SPG11: variants seen among roughly 807,000 people sequenced by gnomAD.
The protein encoded by SPG11 is spatacsin.
In SPG11, 222 loss-of-function variants were observed where a neutral mutation model predicts 274.0. The ratio of observed to expected loss-of-function variants is 0.81; its 90% CI spans 0.73 to 0.91. SPG11 has a LOEUF of 0.91. Ranked by LOEUF, SPG11 falls within the 40% of genes least tolerant of loss-of-function variation. SPG11 has a pLI of 0.00. For missense variants in SPG11, 3,114 were observed against 2,872.7 expected (o/e 1.08, Z -1.92); for synonymous variants, 1,144 against 1,039.7 (o/e 1.10, Z -1.93).
intron 4 of SPG11, among the ~76,000 whole-genome samples, chr15:44,653,334 G>C (rs1022460349): frequency 6.6e-6 from 1 of 152,140 alleles, no homozygotes; most frequent in Non-Finnish European, 1.5e-5. Context: ...AAGGTAATTT[G>C]TTGACACAAC....
chr15:44,606,574 G>A (rs769909380), intron 19 of SPG11, among the ~76,000 whole-genome samples: 7 of 152,112 alleles, frequency 4.6e-5, no homozygotes, highest in Non-Finnish European at 8.8e-5. Flanking sequence ...AAAAAATAGC[G>A]GACCAAGGTG....
intron 10 of SPG11, 112 bp downstream of exon 10, chr15:44,628,557 G>A: frequency 1.9e-6 from 2 of 1,043,158 alleles, no homozygotes; most frequent in South Asian, 1.3e-5. Flanking sequence ...TAAAACCTTT[G>A]CCAAACATTC....
intron 7 of SPG11, among the ~76,000 whole-genome samples, chr15:44,634,059 G>A (rs1244516081): frequency 1.4e-4 from 21 of 151,904 alleles, no homozygotes; most frequent in Admixed American, 1.3e-3. Flanking sequence ...GGCTGGTCTC[G>A]AACTCCTGAC....
chr15:44,573,361 T>C, intron 32 of SPG11, 186 bp downstream of exon 32: 1 of 671,274 alleles, frequency 1.5e-6, no homozygotes. Context: ...CAGCATGTAT[T>C]TTGTACATGT....
chr15:44,651,902 T>C lies in SPG11; in HGVS notation c.1045A>G (p.Ile349Val), dbSNP rs889642538. ...GAAACCTCCAGTTTGGAGTTCTTTA[T>C]TGTTTCATTCAATGATGATAGCTGG... Reference protein sequence around the residue: ...KAQLSSLNETIKNSKLEVSCC... With the variant: ...KAQLSSLNETVKNSKLEVSCC... The change falls in exon 6 of 40, where the codon ATA becomes GTA. Residue 349 changes from isoleucine to valine, a missense_variant. Ile to Val is a conservative substitution (Grantham distance 29, BLOSUM62 3). Coordinates refer to ENST00000261866, the MANE Select transcript of SPG11 (RefSeq NM_025137.4). 3.1e-6 allele frequency: 5 copies of C among 1,612,634 alleles called. No homozygotes were observed. Among genetic ancestry groups the C allele is most frequent in the African/African-American group, 2.7e-5 (2 of 74,784 alleles).
Position 44,648,958 on chromosome 15 carries a change from T to G in SPG11, c.1510A>C (p.Arg504=), listed in dbSNP as rs1450707057. ...FGLTQEEFLN[R]LMIHGSASTV... ...CTGGCACTTCCATGGATCATGAGTC[T>G]GTTTAAAAACTCTTCTTGAGTCAAA... Residue 504 remains arginine (R), a synonymous_variant, in exon 7 of 40, where the codon AGA becomes CGA. Transcript: ENST00000261866. The G allele has an allele frequency of 2.5e-6, 4 of 1,614,066 alleles. No individual in the cohort carries two copies. The highest frequency in any genetic ancestry group is 3.4e-6 in the Non-Finnish European group (4 of 1,179,908).
rs2141038096 is a variant in SPG11, at chr15:44,626,456, A to C, written c.2119T>G (p.Phe707Val). 6.2e-7 allele frequency: 1 copy of C among 1,614,060 alleles called. No individual in the cohort carries two copies. Among genetic ancestry groups the C allele is most frequent in the Non-Finnish European group, 8.5e-7 (1 of 1,179,970 alleles). ...LNNKIPEAQTFFRIDSHSAQK... is the reference protein window; with the variant it reads ...LNNKIPEAQTVFRIDSHSAQK... ...GCAGAATGACTATCAATCCTGAAGA[A>C]AGTCTGTGCCTCTGGTATTTTGTTG... The change falls in exon 11 of 40, where the codon TTC becomes GTC. Residue 707 changes from phenylalanine (F) to valine (V), a missense_variant. Transcript: ENST00000261866.
chr15:44,648,806 G>C, intron 7 of SPG11, 60 bp downstream of exon 7: 1 of 1,553,584 alleles, frequency 6.4e-7, no homozygotes, highest in Non-Finnish European at 8.9e-7. Flanking sequence ...ATCCTAAATC[G>C]AATAAAAGTA....
chr15:44,600,599 G>A lies in SPG11; in HGVS notation c.3554C>T (p.Pro1185Leu). The change falls in exon 21 of 40, where the codon CCT becomes CTT. Residue 1185 changes from proline (P) to leucine (L), a missense_variant. By Grantham distance (98) the Pro-to-Leu change is moderately conservative. Transcript: ENST00000261866. ...TATAGCATATTTATTAACCAGGTCA[G>A]GGCTAGAGAAATGTGGGAGATGACT... Reference protein sequence around the residue: ...AWSHLPHFSSPDLVNKYAIVE... With the variant: ...AWSHLPHFSSLDLVNKYAIVE... The A allele has an allele frequency of 3.1e-6, 5 of 1,614,086 alleles. No individual in the cohort carries two copies. Among genetic ancestry groups the A allele is most frequent in the Non-Finnish European group, 4.2e-6 (5 of 1,180,004 alleles).
At chr15:44,609,895 ATTTTTTT>A (rs771457335) in intron 18 of SPG11, among the ~76,000 whole-genome samples, 13 of 106,108 alleles carry the variant, frequency 1.2e-4, no homozygotes, top group East Asian at 5.6e-4. Context: ...TGCCCAGCTA[ATTTTTTT>A]TTTTTTTTTT....
chr15:44,606,339 G>A (rs747562415), intron 19 of SPG11, among the ~76,000 whole-genome samples: 8 of 152,096 alleles, frequency 5.3e-5, no homozygotes, highest in African/African-American at 1.7e-4. Flanking sequence ...AACTATGTCC[G>A]CAAAGGCTAT....
At chr15:44,635,459 A>G (rs1567179366) in intron 7 of SPG11, among the ~76,000 whole-genome samples, 1 of 151,838 alleles carries the variant, frequency 6.6e-6, no homozygotes, top group East Asian at 1.9e-4. Context: ...ATTAAAAAGT[A>G]GCTGGGTGTG....
chr15:44,570,359 A>G (rs184077104), intron 34 of SPG11, among the ~76,000 whole-genome samples, 166 bp downstream of exon 34: 55 of 152,246 alleles, frequency 3.6e-4, no homozygotes, highest in African/African-American at 1.3e-3. Flanking sequence ...CAGAAATGAT[A>G]ACTTGGAGCA....
At position 44,632,780 on chromosome 15, in the gene SPG11, T is replaced by C. The variant is rs985467978; in HGVS notation, c.1735+725A>G. ...CACCTTGGCCCCTAAAGTGTTAGGA[T>C]TACAGGGCGAGCCACTGCATCCCAC... is the stretch of plus-strand genomic sequence containing the variant. On this transcript the variant is annotated intron_variant, in intron 8 of 39. Coordinates refer to ENST00000261866, the MANE Select transcript of SPG11 (RefSeq NM_025137.4). 2.0e-5 allele frequency among the ~76,000 whole-genome samples: 3 copies of C among 152,106 alleles called. No homozygotes were observed. In the East Asian group the frequency reaches 5.8e-4, roughly 29 times the overall value.
chr15:44,584,626 C>G, intron 29 of SPG11, 68 bp from the exon 30 acceptor site: 1 of 1,558,312 alleles, frequency 6.4e-7, no homozygotes, highest in East Asian at 2.2e-5. Context: ...GCTAATGTTC[C>G]CTAAGTATAT....
chr15:44,617,638 C>T (rs928541983), intron 15 of SPG11, among the ~76,000 whole-genome samples: 1 of 152,072 alleles, frequency 6.6e-6, no homozygotes. Context: ...TCTGGTAGGG[C>T]AAGTTCTTTT....
Position 44,592,324 on chromosome 15 carries a change from A to C in SPG11, c.4743+7T>G. 1 of 1,561,408 alleles carries C rather than the reference A, an allele frequency of 6.4e-7. No individual in the cohort carries two copies. Among genetic ancestry groups the C allele is most frequent in the Non-Finnish European group, 8.8e-7 (1 of 1,132,266 alleles). ...CAGTGAGAAAGAGCACCATAATTCC[A>C]ACTTACCGTTTCAAGGCTCTTCTGA... On this transcript the variant is annotated splice_region_variant and intron_variant, in intron 27 of 39. Coordinates refer to ENST00000261866, the MANE Select transcript of SPG11 (RefSeq NM_025137.4).
intron 4 of SPG11, among the ~76,000 whole-genome samples, chr15:44,654,966 A>G (rs2084895778): frequency 6.6e-6 from 1 of 152,280 alleles, no homozygotes. Context: ...AAATAACTGC[A>G]TATAATTAGC....
intron 30 of SPG11, among the ~76,000 whole-genome samples, chr15:44,579,134 G>A (rs1352591806): frequency 6.6e-6 from 1 of 151,806 alleles, no homozygotes; most frequent in South Asian, 2.1e-4. Flanking sequence ...CTCCAGCCTG[G>A]GTGACAGAGT....
Sources: gnomAD v4.1 joint callset for allele counts (sites outside exome capture counted in the v4.1 genomes callset) on GRCh38, gnomAD v4.1.1 for gene constraint, MANE v1.5 for transcripts, NCBI Gene and HGNC (gene_info 2026-07-23, HGNC 2026-07-21) for gene names.